Variants in C17orf99 observed in about 807,000 individuals in gnomAD.
C17orf99 encodes protein IL-40.
In C17orf99, 18 loss-of-function variants were observed where a neutral mutation model predicts 22.6. The observed-to-expected ratio is 0.80, with a 90% confidence interval of 0.55 to 1.18. The LOEUF is 1.18. Among genes scored for constraint, C17orf99 ranks in the 50% most tolerant of loss-of-function variants. The pLI is 0.00. For missense variants in C17orf99, 328 were observed against 342.7 expected, an observed-to-expected ratio of 0.96 and a Z score of 0.34; for synonymous variants, 147 against 136.6, an observed-to-expected ratio of 1.08 and a Z score of -0.53.
chr17:78,152,269 C>A (rs979818925), intron 2 of C17orf99, among the ~76,000 whole-genome samples: 3 of 151,438 alleles, frequency 2.0e-5, no homozygotes, highest in African/African-American at 7.3e-5. Flanking sequence ...GCCTCAACCT[C>A]CTGGGCTCAA....
chr17:78,162,932 C>A, intron 3 of C17orf99, among the ~76,000 whole-genome samples: 1 of 152,170 alleles, frequency 6.6e-6, no homozygotes, highest in East Asian at 1.9e-4. Context: ...ACTACAGGCC[C>A]TTGCCCCCAT....
intron 2 of C17orf99, among the ~76,000 whole-genome samples, chr17:78,155,124 A>ATTT (rs771330920): frequency 1.1e-4 from 11 of 104,594 alleles, no homozygotes; most frequent in South Asian, 3.1e-4. Context: ...AGCAACCCCT[A>ATTT]TTTTTTTTTT....
At chr17:78,164,561 C>G (rs1428707649) in intron 4 of C17orf99, 197 bp downstream of exon 4, 2 of 1,532,910 alleles carry the variant, frequency 1.3e-6, no homozygotes, top group Non-Finnish European at 1.7e-6. Context: ...TCCGCCCCCT[C>G]CCAGGAGGGT....
At chr17:78,162,965 A>G (rs2075589605) in intron 3 of C17orf99, among the ~76,000 whole-genome samples, 1 of 152,116 alleles carries the variant, frequency 6.6e-6, no homozygotes. Context: ...TTGTATTTTT[A>G]GTAGACACGG....
chr17:78,146,085 G>T (rs564343093), upstream of C17orf99, among the ~76,000 whole-genome samples: 34 of 152,258 alleles, frequency 2.2e-4, no homozygotes, highest in Non-Finnish European at 4.3e-4. The surrounding 1 kb of genome is among the most constrained non-coding windows in gnomAD (Gnocchi z 5.2). Flanking sequence ...ACTGTGCCCC[G>T]CGGAGCATGG....
At chr17:78,154,903 G>A (rs900441753) in intron 2 of C17orf99, among the ~76,000 whole-genome samples, 1 of 151,964 alleles carries the variant, frequency 6.6e-6, no homozygotes, top group African/African-American at 2.4e-5. Context: ...TTTCAAAGGG[G>A]CACAGATGAG....
rs554071901 is a variant in C17orf99, at chr17:78,161,141, A to G, written c.257A>G (p.Asn86Ser). ...CACGAGCCGGCCTCCTTCAACCTCA[A>G]CGTCACACTCAAGTCCAGTCCAGAC... ...KTHEPASFNL[N>S]VTLKSSPDLL... Residue 86 changes from asparagine (N) to serine (S), a missense_variant, in exon 3 of 5, where the codon AAC (asparagine) becomes AGC (serine). Transcript: ENST00000340363. 26 of 1,551,610 alleles carry G rather than the reference A, an allele frequency of 1.7e-5. No homozygotes were observed. The highest frequency in any genetic ancestry group is 5.5e-5 in the African/African-American group (4 of 73,106).
At chr17:78,153,735 A>G (rs998820032) in intron 2 of C17orf99, among the ~76,000 whole-genome samples, 3 of 152,206 alleles carry the variant, frequency 2.0e-5, no homozygotes, top group East Asian at 1.9e-4. Context: ...CCCCTGCGAT[A>G]GTTTCTGGAC....
intron 2 of C17orf99, among the ~76,000 whole-genome samples, chr17:78,154,869 TA>T (rs2075513305): frequency 6.6e-6 from 1 of 151,350 alleles, no homozygotes; most frequent in Admixed American, 6.6e-5. Context: ...TAAATAAATA[TA>T]AAAAGGAGAG....
At chr17:78,162,203 G>C (rs2075583244) in intron 3 of C17orf99, among the ~76,000 whole-genome samples, 1 of 151,274 alleles carries the variant, frequency 6.6e-6, no homozygotes, top group South Asian at 2.1e-4. Flanking sequence ...TTGAACCCAG[G>C]AGATGAAGGT....
chr17:78,160,319 C>T lies in C17orf99; in HGVS notation c.71-636C>T, dbSNP rs138722832. On this transcript the variant is annotated intron_variant, in intron 2 of 4. Transcript: ENST00000340363. Reference sequence around the variant, plus strand: ...TTGGGAGGCCAAGGCGGGTGGATCACGAGGTCAGGAGTTTGAGACCAGCCT... The same window carrying T: ...TTGGGAGGCCAAGGCGGGTGGATCATGAGGTCAGGAGTTTGAGACCAGCCT... Among the ~76,000 whole-genome samples, 942 of 152,106 alleles carry T rather than the reference C, an allele frequency of 6.2e-3. 12 individuals carry two copies. Among genetic ancestry groups the T allele is most frequent in the African/African-American group, 0.021 (881 of 41,518 alleles).
intron 2 of C17orf99, among the ~76,000 whole-genome samples, chr17:78,154,249 A>G (rs989708552): frequency 6.6e-6 from 1 of 151,646 alleles, no homozygotes; most frequent in Non-Finnish European, 1.5e-5. Context: ...ATTCTTCCCC[A>G]TCTAAAAAGG....
intron 4 of C17orf99, 140 bp downstream of exon 4, chr17:78,164,504 C>T: frequency 3.2e-6 from 5 of 1,538,988 alleles, no homozygotes; most frequent in Non-Finnish European, 3.5e-6. Context: ...CAGGAGGCAA[C>T]CATGCCCACC....
At chr17:78,150,645 C>G (rs553682905) in intron 2 of C17orf99, among the ~76,000 whole-genome samples, 4 of 152,134 alleles carry the variant, frequency 2.6e-5, no homozygotes, top group Admixed American at 1.3e-4. Flanking sequence ...AAGGTGTTGT[C>G]CCCCTTTGTC....
intron 3 of C17orf99, among the ~76,000 whole-genome samples, chr17:78,163,064 C>T (rs565275564): frequency 3.8e-4 from 58 of 152,318 alleles, no homozygotes; most frequent in African/African-American, 1.2e-3. Context: ...GGATTATAGG[C>T]GTGAGCCACT....
intron 2 of C17orf99, chr17:78,158,280 C>T (rs2075544250): frequency 4.3e-6 from 2 of 468,056 alleles, no homozygotes; most frequent in Admixed American, 3.1e-5. Context: ...TGGTCCTAGG[C>T]TGCTGGACTC....
chr17:78,165,864 C>G, intron 4 of C17orf99, 25 bp from the exon 5 acceptor site: 1 of 1,304,806 alleles, frequency 7.7e-7, no homozygotes, highest in Non-Finnish European at 9.9e-7. Context: ...GCCTGCCTGA[C>G]TTGAGTCTCC....
intron 2 of C17orf99, chr17:78,158,238 G>A: frequency 1.7e-6 from 1 of 583,466 alleles, no homozygotes. Context: ...CTCCCAAGAG[G>A]CCCCCTCCCC....
At chr17:78,157,951 T>C in intron 2 of C17orf99, 1 of 1,175,172 alleles carries the variant, frequency 8.5e-7, no homozygotes, top group Non-Finnish European at 1.3e-6. Context: ...GGAAGAAATA[T>C]GGAGATATCT....
Sources: allele counts gnomAD v4.1 joint callset (sites outside exome capture counted in the v4.1 genomes callset), GRCh38; gene constraint gnomAD v4.1.1; non-coding constraint Gnocchi (gnomAD v3.1); transcripts MANE v1.5; gene names NCBI Gene and HGNC (gene_info 2026-07-23, HGNC 2026-07-21).